Variants in NOP58 observed in about 807,000 individuals in gnomAD.
NOP58 encodes nucleolar protein 58.
Under a neutral mutation model 71.2 loss-of-function variants are expected in NOP58, and 44 were observed. That is an observed-to-expected ratio of 0.62 (90% confidence interval 0.49 to 0.79). The LOEUF (loss-of-function observed/expected upper bound fraction) is 0.79, where lower values mean the gene tolerates loss of function less well. NOP58 is among the 30% of genes least tolerant of loss of function. The pLI is 0.00. For missense variants in NOP58, 538 were observed against 620.2 expected, an observed-to-expected ratio of 0.87 and a Z score of 1.41; for synonymous variants, 228 against 200.3, an observed-to-expected ratio of 1.14 and a Z score of -1.17.
chr2:202,297,883 A>C lies in NOP58; in HGVS notation c.1245A>C (p.Lys415Asn). The C allele has an allele frequency of 6.3e-7, 1 of 1,586,818 alleles. No individual in the cohort carries two copies. Among genetic ancestry groups the C allele is most frequent in the Non-Finnish European group, 8.6e-7 (1 of 1,168,224 alleles). Reference protein sequence around the residue: ...KISGTGKALAKTEKYEHKSEV... With the variant: ...KISGTGKALANTEKYEHKSEV... ...GTGGAACAGGAAAAGCATTAGCAAA[A>C]ACAGAAAAATATGAACACAAAAGGT... The change falls in exon 12 of 15, where the codon AAA becomes AAC. Residue 415 changes from lysine to asparagine, a missense_variant. By Grantham distance (94) the Lys-to-Asn change is moderately conservative. Transcript: ENST00000264279.
At chr2:202,266,301 ATTTT>A (rs113536654) in intron 1 of NOP58, among the ~76,000 whole-genome samples, 1 of 145,460 alleles carries the variant, frequency 6.9e-6, no homozygotes, top group African/African-American at 2.5e-5. Flanking sequence ...TGATCGAAAG[ATTTT>A]TTTTTTTTTT....
intron 9 of NOP58, 61 bp from the exon 10 acceptor site, chr2:202,295,613 T>C: frequency 8.3e-7 from 1 of 1,203,826 alleles, no homozygotes; most frequent in South Asian, 2.0e-5. Context: ...GTCTTTTGTT[T>C]CAGTACGTGG....
intron 1 of NOP58, among the ~76,000 whole-genome samples, chr2:202,267,214 A>G (rs7581542): frequency 0.086 from 13,113 of 152,218 alleles, 701 homozygotes; most frequent in Non-Finnish European, 0.13. Context: ...TTCTACATAT[A>G]TATATGTTGG....
At chr2:202,282,326 T>G (rs1688718838) in intron 3 of NOP58, 25 bp from the exon 4 acceptor site, 4 of 1,585,436 alleles carry the variant, frequency 2.5e-6, no homozygotes, top group South Asian at 1.2e-5. Flanking sequence ...GAGTTAATGC[T>G]TTTGTTTTTC....
chr2:202,271,421 G>A (rs929814978), intron 1 of NOP58, among the ~76,000 whole-genome samples: 1 of 150,554 alleles, frequency 6.6e-6, no homozygotes, highest in South Asian at 2.1e-4. Context: ...AAAAAAATTA[G>A]CCAGGCATGG....
At chr2:202,282,650 T>C (rs1257482085) in intron 4 of NOP58, among the ~76,000 whole-genome samples, 178 bp downstream of exon 4, 1 of 152,154 alleles carries the variant, frequency 6.6e-6, no homozygotes, top group Admixed American at 6.6e-5. Flanking sequence ...AAATAAGTAA[T>C]ACCTATTTGT....
At chr2:202,270,561 ATTGT>A (rs1223912105) in intron 1 of NOP58, among the ~76,000 whole-genome samples, 2 of 152,166 alleles carry the variant, frequency 1.3e-5, no homozygotes, top group African/African-American at 4.8e-5. Flanking sequence ...AAGCAGGAGG[ATTGT>A]TTGAGCCCAG....
At chr2:202,278,141 C>A in intron 3 of NOP58, 139 bp downstream of exon 3, 1 of 751,354 alleles carries the variant, frequency 1.3e-6, no homozygotes, top group Non-Finnish European at 2.5e-6. Context: ...CTTATTGGAA[C>A]TGAATTTAAG....
At chr2:202,267,193 T>G (rs1688431900) in intron 1 of NOP58, among the ~76,000 whole-genome samples, 1 of 152,168 alleles carries the variant, frequency 6.6e-6, no homozygotes, top group African/African-American at 2.4e-5. Context: ...AAAATAAAGT[T>G]TTTATGTATA....
chr2:202,265,805 A>G lies in NOP58; in HGVS notation c.-137A>G, dbSNP rs940574812. 4 of 874,264 alleles carry G rather than the reference A, an allele frequency of 4.6e-6. No individual in the cohort carries two copies. Among genetic ancestry groups the G allele is most frequent in the Non-Finnish European group, 3.7e-6 (2 of 537,202 alleles). The allele number at this position is 874,264 out of a possible 1,614,324, so 54.2% of individuals were successfully genotyped here. ...TGGAGGGTTTAGGCAGCGTGTTCTG[A>G]TTCTTTGCGGGACGGCGAGCGCATT... On this transcript the variant is annotated 5_prime_UTR_variant, in exon 1 of 15. Coordinates refer to ENST00000264279, the MANE Select transcript of NOP58 (RefSeq NM_015934.5).
chr2:202,271,295 C>T (rs1475623505), intron 1 of NOP58, among the ~76,000 whole-genome samples: 1 of 151,974 alleles, frequency 6.6e-6, no homozygotes, highest in East Asian at 1.9e-4. Flanking sequence ...GTGGCTCACG[C>T]CTGTCATCCC....
intron 8 of NOP58, 80 bp downstream of exon 8, chr2:202,291,350 T>C: frequency 1.9e-6 from 2 of 1,066,614 alleles, no homozygotes; most frequent in East Asian, 2.5e-5. Flanking sequence ...ATGATGATTT[T>C]TACACTTATT....
At chr2:202,293,776 T>C (rs1055573299) in intron 9 of NOP58, among the ~76,000 whole-genome samples, 9 of 152,028 alleles carry the variant, frequency 5.9e-5, no homozygotes, top group Admixed American at 5.9e-4. Context: ...GTTTTTGCCA[T>C]GTTGGCCAGG....
chr2:202,301,021 CAA>C (rs1200235311), intron 13 of NOP58, among the ~76,000 whole-genome samples: 1 of 152,102 alleles, frequency 6.6e-6, no homozygotes, highest in Admixed American at 6.5e-5. Flanking sequence ...ATAGAGAAAA[CAA>C]ACAATTTATT....
At chr2:202,289,473 A>G (rs920842350) in intron 6 of NOP58, among the ~76,000 whole-genome samples, 1 of 152,244 alleles carries the variant, frequency 6.6e-6, no homozygotes, top group Non-Finnish European at 1.5e-5. Context: ...AAGGTTTTGT[A>G]TATAAGGTAT....
intron 10 of NOP58, among the ~76,000 whole-genome samples, chr2:202,296,873 A>G (rs1308333654): frequency 6.6e-6 from 1 of 152,072 alleles, no homozygotes; most frequent in Non-Finnish European, 1.5e-5. Context: ...AGCTGGGACT[A>G]CAGGCGCCCG....
rs1035196785 is a variant in NOP58 at position 202,284,266 on chromosome 2, G to A, written c.298-79G>A. ...CCAGCCTGGGCGACAGAGTGATACT[G>A]TGTCTCAAAAAATAATAATAACAAC... On this transcript the variant is annotated intron_variant, in intron 4 of 14. Transcript: ENST00000264279. 5 of 1,219,366 alleles carry A rather than the reference G, an allele frequency of 4.1e-6. No individual in the cohort carries two copies. The African/African-American group carries it at 6.2e-5, about 15-fold the overall frequency. 75.5% of individuals were successfully genotyped at this position (1,219,366 alleles called of 1,614,324 possible). A position where few individuals can be genotyped will look rare whatever the true frequency, so the allele number is the denominator to read the frequency against.
At chr2:202,301,587 T>C (rs1689094583) in intron 13 of NOP58, among the ~76,000 whole-genome samples, 1 of 152,234 alleles carries the variant, frequency 6.6e-6, no homozygotes, top group African/African-American at 2.4e-5. Context: ...TCAGTTCCAC[T>C]TGAAAGTATG....
intron 6 of NOP58, 26 bp from the exon 7 acceptor site, chr2:202,290,297 G>T (rs201585309): frequency 6.5e-7 from 1 of 1,542,310 alleles, no homozygotes; most frequent in Non-Finnish European, 8.8e-7. Context: ...TTTAAGTTTT[G>T]TTTGTTTGTT....
Sources: gnomAD v4.1 joint callset for allele counts (sites outside exome capture counted in the v4.1 genomes callset) on GRCh38, gnomAD v4.1.1 for gene constraint, MANE v1.5 for transcripts, NCBI Gene and HGNC (gene_info 2026-07-23, HGNC 2026-07-21) for gene names.